Variants in ELAVL4 observed in about 807,000 individuals in gnomAD.
The protein encoded by ELAVL4 is ELAV-like protein 4.
In ELAVL4, 1 loss-of-function variant was observed where a neutral mutation model predicts 35.6. The ratio of observed to expected loss-of-function variants is 0.03; its 90% CI spans 0.01 to 0.13. The LOEUF (loss-of-function observed/expected upper bound fraction) is 0.13. ELAVL4 is among the 10% of genes least tolerant of loss of function. The pLI, the probability that ELAVL4 is intolerant of heterozygous loss-of-function variation, is 1.00. For missense variants in ELAVL4, 267 were observed against 464.9 expected, an observed-to-expected ratio of 0.57 and a Z score of 3.91; for synonymous variants, 156 against 171.0, an observed-to-expected ratio of 0.91 and a Z score of 0.69.
At position 50,202,997 on chromosome 1, in the gene ELAVL4, TA is replaced by T. The variant is rs1180921234; in HGVS notation, c.*1820del. The T allele has an allele frequency of 6.6e-6, 1 of 152,194 alleles. No homozygotes were observed. Among genetic ancestry groups the T allele is most frequent in the Non-Finnish European group, 1.5e-5 (1 of 68,026 alleles). 9.4% of individuals were successfully genotyped at this position (152,194 alleles called of 1,614,324 possible). ...ACGTCCAGTGCACTGATCATTTTAGTATGTTTGTGCTTTGTACGGTTATATA... is the reference window on the plus strand; with the variant it reads ...ACGTCCAGTGCACTGATCATTTTAGTTGTTTGTGCTTTGTACGGTTATATA... On this transcript the variant is annotated 3_prime_UTR_variant, in exon 7 of 7. Coordinates refer to ENST00000371824, the MANE Select transcript of ELAVL4 (RefSeq NM_001144774.3).
chr1:50,154,483 G>A (rs1675364272), intron 2 of ELAVL4, among the ~76,000 whole-genome samples: 1 of 152,162 alleles, frequency 6.6e-6, no homozygotes, highest in Non-Finnish European at 1.5e-5. Context: ...ACACAAAGTG[G>A]ATACAGCTAG....
chr1:50,101,223 A>G (rs1287748508), upstream of ELAVL4, among the ~76,000 whole-genome samples: 4 of 152,224 alleles, frequency 2.6e-5, no homozygotes, highest in African/African-American at 9.6e-5. Flanking sequence ...ATAAGGACAT[A>G]TAACTTAATT....
chr1:50,140,986 G>T (rs1206694388), intron 1 of ELAVL4, among the ~76,000 whole-genome samples: 1 of 152,150 alleles, frequency 6.6e-6, no homozygotes, highest in Non-Finnish European at 1.5e-5. Context: ...AGTCAACATA[G>T]ATTAGGAAAT....
At chr1:50,191,277 A>G (rs1221639164) in intron 3 of ELAVL4, among the ~76,000 whole-genome samples, 1 of 152,138 alleles carries the variant, frequency 6.6e-6, no homozygotes, top group Non-Finnish European at 1.5e-5. Flanking sequence ...GAAGGCCTCT[A>G]TGTGAGGTCT....
intron 2 of ELAVL4, among the ~76,000 whole-genome samples, chr1:50,153,155 G>A (rs931619144): frequency 9.2e-5 from 14 of 152,158 alleles, no homozygotes; most frequent in Non-Finnish European, 1.6e-4. Flanking sequence ...TTTTGTGGGC[G>A]GGGGCAAGAG....
At chr1:50,168,474 T>C (rs1313965226) in intron 2 of ELAVL4, among the ~76,000 whole-genome samples, 1 of 152,190 alleles carries the variant, frequency 6.6e-6, no homozygotes, top group African/African-American at 2.4e-5. Context: ...CTACAAGAGA[T>C]AAGACTCTCA....
chr1:50,059,910 G>A (rs1663870476), intron 1 of ELAVL4, among the ~76,000 whole-genome samples: 2 of 152,128 alleles, frequency 1.3e-5, no homozygotes, highest in South Asian at 4.1e-4. Context: ...TAAATCTATA[G>A]TGTCAAGGCA....
chr1:50,129,683 G>A (rs556983315), intron 1 of ELAVL4, among the ~76,000 whole-genome samples: 1 of 152,130 alleles, frequency 6.6e-6, no homozygotes, highest in African/African-American at 2.4e-5. Context: ...GGAGCATTGT[G>A]AAGATGAATA....
At chr1:50,154,752 T>TTGTG (rs35896145) in intron 2 of ELAVL4, among the ~76,000 whole-genome samples, 1,645 of 147,304 alleles carry the variant, frequency 0.011, 15 homozygotes, top group African/African-American at 0.013. Context: ...TTGTTATATT[T>TTGTG]TGTGTGTGTG....
chr1:50,102,445 C>T (rs901041893), upstream of ELAVL4, among the ~76,000 whole-genome samples: 11 of 151,780 alleles, frequency 7.2e-5, no homozygotes, highest in African/African-American at 1.5e-4. Flanking sequence ...CTCCCTTTGA[C>T]CTTTTCTTCC....
At chr1:50,157,459 G>A (rs1675960631) in intron 2 of ELAVL4, among the ~76,000 whole-genome samples, 1 of 152,168 alleles carries the variant, frequency 6.6e-6, no homozygotes, top group African/African-American at 2.4e-5. Context: ...TTCCTAGTCT[G>A]CCTTCCAGAA....
At chr1:50,067,849 C>T (rs997076755) in intron 1 of ELAVL4, among the ~76,000 whole-genome samples, 1 of 152,156 alleles carries the variant, frequency 6.6e-6, no homozygotes. Context: ...TCCTTCTTCA[C>T]ATGATGGCAG....
intron 1 of ELAVL4, chr1:50,109,905 C>CA: frequency 1.2e-6 from 2 of 1,611,790 alleles, no homozygotes; most frequent in South Asian, 1.1e-5. Context: ...CCGCTTTTGA[C>CA]ACACTGTGTG....
chr1:50,157,976 G>A (rs982348976), intron 2 of ELAVL4, among the ~76,000 whole-genome samples: 8 of 152,122 alleles, frequency 5.3e-5, no homozygotes, highest in African/African-American at 1.7e-4. Context: ...AATCCAGCAC[G>A]GTGCTAGACA....
At chr1:50,100,771 G>C (rs891990363), upstream of ELAVL4, among the ~76,000 whole-genome samples, 3 of 152,272 alleles carry the variant, frequency 2.0e-5, no homozygotes, top group African/African-American at 7.2e-5. Flanking sequence ...AGTAAATGTT[G>C]ATTTGCAGCA....
chr1:50,200,244 T>C (rs1343153335), intron 6 of ELAVL4, among the ~76,000 whole-genome samples: 1 of 151,872 alleles, frequency 6.6e-6, no homozygotes, highest in Non-Finnish European at 1.5e-5. Context: ...TTGACAACCG[T>C]AGGTCAAGGG....
intron 3 of ELAVL4, chr1:50,179,565 A>C (rs1315074318): frequency 6.6e-6 from 1 of 152,092 alleles, no homozygotes; most frequent in Non-Finnish European, 1.5e-5. Context: ...CCTCTGCTTC[A>C]GTTTGCTTTG....
At chr1:50,145,268 T>A in intron 2 of ELAVL4, 71 bp downstream of exon 2, 2 of 1,594,184 alleles carry the variant, frequency 1.3e-6, no homozygotes, top group East Asian at 2.2e-5. Flanking sequence ...ACATGTGTGA[T>A]GGTGCACCTG....
At chr1:50,104,416 G>C (rs1666152657), upstream of ELAVL4, among the ~76,000 whole-genome samples, 1 of 152,166 alleles carries the variant, frequency 6.6e-6, no homozygotes, top group South Asian at 2.1e-4. Context: ...AATTTGATGA[G>C]AGCAACTCCT....
Sources: gnomAD v4.1 joint callset for allele counts (sites outside exome capture counted in the v4.1 genomes callset) on GRCh38, gnomAD v4.1.1 for gene constraint, MANE v1.5 for transcripts, NCBI Gene and HGNC (gene_info 2026-07-23, HGNC 2026-07-21) for gene names.